ENOX1: variants seen among roughly 807,000 people sequenced by gnomAD.
ENOX1 encodes the protein candidate growth-related and time keeping constitutive hydroquinone (NADH) oxidase.
ENOX1 carries 42 observed loss-of-function variants against 82.5 expected under a neutral mutation model. The ratio of observed to expected loss-of-function variants is 0.51; its 90% CI spans 0.40 to 0.66. The LOEUF is 0.66. ENOX1 is among the 30% of genes least tolerant of loss of function. ENOX1 has a pLI of 0.00. For synonymous variants in ENOX1, 271 were observed against 282.2 expected, an observed-to-expected ratio of 0.96 and a Z score of 0.40; for missense variants, 608 against 811.6, an observed-to-expected ratio of 0.75 and a Z score of 3.05.
chr13:43,657,419 T>C (rs1053727373), intron 2 of ENOX1, among the ~76,000 whole-genome samples: 4 of 152,124 alleles, frequency 2.6e-5, no homozygotes, highest in Non-Finnish European at 5.9e-5. Context: ...CCTCAGGGAA[T>C]CAGGTGGGGT....
intron 3 of ENOX1, among the ~76,000 whole-genome samples, chr13:43,436,108 T>A (rs898480677): frequency 2.0e-5 from 3 of 152,212 alleles, no homozygotes; most frequent in Non-Finnish European, 2.9e-5. Flanking sequence ...ATTATATTGG[T>A]CTCTGTATGT....
At chr13:43,462,571 C>CAT (rs147263796) in intron 3 of ENOX1, among the ~76,000 whole-genome samples, 2,247 of 152,284 alleles carry the variant, frequency 0.015, 49 homozygotes, top group African/African-American at 0.051. Flanking sequence ...GGCAGCCATG[C>CAT]ATACTACAGC....
At chr13:43,409,884 G>A (rs182674577) in intron 5 of ENOX1, among the ~76,000 whole-genome samples, 3 of 152,270 alleles carry the variant, frequency 2.0e-5, no homozygotes, top group Non-Finnish European at 4.4e-5. Flanking sequence ...GAATGTAGTC[G>A]GCTGGTGGCC....
chr13:43,606,791 G>A (rs9316042), intron 2 of ENOX1, among the ~76,000 whole-genome samples: 83,389 of 151,916 alleles, frequency 0.55, 26,298 homozygotes, highest in Non-Finnish European at 0.73. Flanking sequence ...TGAAGTGGGC[G>A]AATCATTGAG....
At chr13:43,751,303 A>C (rs1196170720) in intron 1 of ENOX1, among the ~76,000 whole-genome samples, 2 of 152,198 alleles carry the variant, frequency 1.3e-5, no homozygotes, top group Non-Finnish European at 2.9e-5. Context: ...GGACTAACAG[A>C]ATCTCCTGCA....
intron 2 of ENOX1, among the ~76,000 whole-genome samples, chr13:43,548,430 G>A (rs4245324): frequency 0.65 from 99,303 of 151,978 alleles, 32,382 homozygotes; most frequent in South Asian, 0.84. Context: ...TAGGTGCTTA[G>A]ACTATGAGGA....
intron 2 of ENOX1, among the ~76,000 whole-genome samples, chr13:43,623,173 A>C (rs916579707): frequency 6.6e-6 from 1 of 152,116 alleles, no homozygotes; most frequent in African/African-American, 2.4e-5. Flanking sequence ...AACCTGCCCC[A>C]GGATACCTGC....
intron 3 of ENOX1, among the ~76,000 whole-genome samples, chr13:43,428,637 C>T (rs9316023): frequency 0.81 from 123,297 of 152,080 alleles, 50,565 homozygotes; most frequent in Non-Finnish European, 0.88. Context: ...CCAGAACCTT[C>T]TTCTGTTCTA....
intron 3 of ENOX1, among the ~76,000 whole-genome samples, chr13:43,424,748 A>G (rs9567189): frequency 0.15 from 23,329 of 152,150 alleles, 2,272 homozygotes; most frequent in African/African-American, 0.27. Flanking sequence ...CTCTGTAACC[A>G]GTGAGCAAGA....
At chr13:43,616,187 T>TAGATAGATAGATATATATATAG (rs1309689878) in intron 2 of ENOX1, among the ~76,000 whole-genome samples, 3 of 11,288 alleles carry the variant, frequency 2.7e-4, no homozygotes, top group African/African-American at 3.8e-4. Flanking sequence ...TCTATCTATC[T>TAGATAGATAGATATATATATAG]ATATATATAT....
chr13:43,287,153 C>T (rs1367865196), intron 12 of ENOX1, among the ~76,000 whole-genome samples: 1 of 152,134 alleles, frequency 6.6e-6, no homozygotes, highest in Non-Finnish European at 1.5e-5. Context: ...GTCACATACC[C>T]CTGAGTTGTT....
chr13:43,246,825 G>A (rs1014743853), intron 14 of ENOX1, among the ~76,000 whole-genome samples: 2 of 152,078 alleles, frequency 1.3e-5, no homozygotes, highest in African/African-American at 4.8e-5. Flanking sequence ...GCAATAAGGT[G>A]GAACCACAGA....
chr13:43,492,849 C>T (rs896675050), intron 2 of ENOX1, among the ~76,000 whole-genome samples: 1 of 152,194 alleles, frequency 6.6e-6, no homozygotes, highest in African/African-American at 2.4e-5. Flanking sequence ...TATTTGCAAA[C>T]ACAAGTCTAG....
intron 5 of ENOX1, among the ~76,000 whole-genome samples, chr13:43,379,038 A>C (rs1357571850): frequency 6.6e-6 from 1 of 152,108 alleles, no homozygotes; most frequent in African/African-American, 2.4e-5. Flanking sequence ...TTGAAGATGG[A>C]AGACAGCAAT....
At chr13:43,458,589 T>C (rs534544724) in intron 3 of ENOX1, 1 of 152,334 alleles carries the variant, frequency 6.6e-6, no homozygotes, top group Non-Finnish European at 1.5e-5. Flanking sequence ...AGAAAATCAT[T>C]ATATTGCTAT....
chr13:43,351,515 C>T (rs992071501), intron 8 of ENOX1, among the ~76,000 whole-genome samples: 9 of 146,710 alleles, frequency 6.1e-5, no homozygotes, highest in East Asian at 6.0e-4. Context: ...CATGCTGGTG[C>T]GCTGCACCCA....
chr13:43,740,348 C>T (rs1456453882), intron 1 of ENOX1, among the ~76,000 whole-genome samples: 3 of 146,828 alleles, frequency 2.0e-5, no homozygotes, highest in East Asian at 1.9e-4. Context: ...AACCAATTTA[C>T]CTTTTTTTTT....
intron 15 of ENOX1, among the ~76,000 whole-genome samples, chr13:43,229,663 G>C (rs1037418755): frequency 2.0e-5 from 3 of 152,194 alleles, no homozygotes; most frequent in Non-Finnish European, 2.9e-5. Flanking sequence ...AGAGCAGAGG[G>C]GGAACTGGGA....
At chr13:43,599,674 C>G (rs2081618158) in intron 2 of ENOX1, among the ~76,000 whole-genome samples, 1 of 151,864 alleles carries the variant, frequency 6.6e-6, no homozygotes, top group Non-Finnish European at 1.5e-5. Context: ...TGCATATGAC[C>G]TAGTAAGACA....
Sources: gnomAD v4.1 joint callset for allele counts (sites outside exome capture counted in the v4.1 genomes callset) on GRCh38, gnomAD v4.1.1 for gene constraint, MANE v1.5 for transcripts, NCBI Gene and HGNC (gene_info 2026-07-23, HGNC 2026-07-21) for gene names.